PTPRG: variants seen among roughly 807,000 people sequenced by gnomAD.
PTPRG encodes receptor-type tyrosine-protein phosphatase gamma.
A neutral mutation model predicts 165.3 loss-of-function variants in PTPRG; 102 were observed. That is an observed-to-expected ratio of 0.62 (90% CI 0.53 to 0.73). The LOEUF (loss-of-function observed/expected upper bound fraction) is 0.73, where lower values mean the gene tolerates loss of function less well. Ranked by LOEUF, PTPRG falls within the 30% of genes least tolerant of loss-of-function variation. The pLI, the probability that PTPRG is intolerant of heterozygous loss-of-function variation, is 0.00. For synonymous variants in PTPRG, 675 were observed against 669.5 expected (o/e 1.01, Z -0.13); for missense variants, 1,866 against 1,861.4 (o/e 1.00, Z -0.05).
chr3:61,814,977 G>T (rs1041225357), intron 2 of PTPRG, among the ~76,000 whole-genome samples: 3 of 151,970 alleles, frequency 2.0e-5, no homozygotes, highest in Admixed American at 2.0e-4. Flanking sequence ...ACTCATATCT[G>T]CCTAGTGTCC....
In PTPRG at chr3:62,005,930, T is replaced by G. The variant is rs367714051; in HGVS notation, c.519+2433T>G. Among the ~76,000 whole-genome samples, 178 of 152,236 alleles carry G rather than the reference T, an allele frequency of 1.2e-3. 1 individual carries two copies. Among genetic ancestry groups the G allele is most frequent in the African/African-American group, 4.0e-3 (168 of 41,532 alleles). On this transcript the variant is annotated intron_variant, in intron 4 of 29. Coordinates refer to ENST00000474889, the MANE Select transcript of PTPRG (RefSeq NM_002841.4). ...GTTCGCCAGGCTGGTCTTGAATTCC[T>G]GACTTCAAATGATCCACCTTTCTCA...
intron 5 of PTPRG, among the ~76,000 whole-genome samples, chr3:62,089,604 C>G (rs1046118999): frequency 1.1e-4 from 16 of 152,154 alleles, no homozygotes; most frequent in Admixed American, 2.6e-4. Context: ...TATGATTGTA[C>G]AGGTGTCTTC....
chr3:62,112,323 C>T (rs964149242), intron 5 of PTPRG, among the ~76,000 whole-genome samples: 40 of 152,080 alleles, frequency 2.6e-4, no homozygotes, highest in African/African-American at 9.6e-4. Flanking sequence ...AGGCTGGTCT[C>T]AAACTCCTGA....
At chr3:61,701,293 C>T (rs1221558471) in intron 1 of PTPRG, among the ~76,000 whole-genome samples, 2 of 152,048 alleles carry the variant, frequency 1.3e-5, no homozygotes, top group African/African-American at 2.4e-5. Context: ...ACATTTGCAC[C>T]CACTGCTAAC....
chr3:61,620,019 A>G (rs372516957), intron 1 of PTPRG, among the ~76,000 whole-genome samples: 1 of 152,258 alleles, frequency 6.6e-6, no homozygotes, highest in South Asian at 2.1e-4. Context: ...GTGTAGAGCC[A>G]CTACTGCTTC....
chr3:62,218,117 C>T (rs535472687), intron 12 of PTPRG, among the ~76,000 whole-genome samples: 9 of 152,088 alleles, frequency 5.9e-5, no homozygotes, highest in Admixed American at 1.3e-4. Context: ...TAGGAGCCCA[C>T]GGACAGAAGC....
chr3:61,900,913 A>G (rs2038484003), intron 2 of PTPRG, among the ~76,000 whole-genome samples: 1 of 152,188 alleles, frequency 6.6e-6, no homozygotes, highest in South Asian at 2.1e-4. Context: ...CGAAGCCTCC[A>G]TTACCTCATC....
chr3:61,566,100 G>A (rs1419840002), intron 1 of PTPRG, among the ~76,000 whole-genome samples: 6 of 152,174 alleles, frequency 3.9e-5, no homozygotes, highest in Non-Finnish European at 5.9e-5. Context: ...CACTAATAAA[G>A]ATAGGCATAA....
intron 29 of PTPRG, 173 bp downstream of exon 29, chr3:62,292,729 A>C (rs1018578602): frequency 7.4e-6 from 5 of 674,754 alleles, no homozygotes; most frequent in Non-Finnish European, 9.8e-6. Flanking sequence ...TAGAGGATAC[A>C]AGCCAGAGAT....
chr3:61,677,083 A>G (rs1304227664), intron 1 of PTPRG, among the ~76,000 whole-genome samples: 1 of 151,986 alleles, frequency 6.6e-6, no homozygotes, highest in Non-Finnish European at 1.5e-5. Flanking sequence ...CATCTCTACT[A>G]AAAATATAAA....
intron 2 of PTPRG, among the ~76,000 whole-genome samples, chr3:61,833,784 C>T (rs950272010): frequency 2.6e-5 from 4 of 152,056 alleles, no homozygotes; most frequent in East Asian, 1.9e-4. Flanking sequence ...AGGCTGGTTT[C>T]GAACTCCTGA....
At chr3:61,588,882 C>A (rs901992931) in intron 1 of PTPRG, among the ~76,000 whole-genome samples, 1 of 152,176 alleles carries the variant, frequency 6.6e-6, no homozygotes, top group Non-Finnish European at 1.5e-5. Context: ...CTGGAGACTT[C>A]TGCAACAAAC....
At chr3:61,616,330 A>G (rs562130650) in intron 1 of PTPRG, among the ~76,000 whole-genome samples, 168 of 152,302 alleles carry the variant, frequency 1.1e-3, no homozygotes, top group Non-Finnish European at 1.6e-3. Flanking sequence ...GGACAAATCT[A>G]TGGGTTAAGT....
chr3:62,016,461 C>T (rs546478407), intron 4 of PTPRG, among the ~76,000 whole-genome samples: 16 of 152,238 alleles, frequency 1.1e-4, no homozygotes, highest in South Asian at 2.1e-4. Context: ...CCACCGCGCC[C>T]GGCCTGTATT....
intron 8 of PTPRG, among the ~76,000 whole-genome samples, chr3:62,173,297 A>G (rs1705289915): frequency 6.6e-6 from 1 of 151,830 alleles, no homozygotes; most frequent in Admixed American, 6.6e-5. Flanking sequence ...GGTTGAATCC[A>G]TGCATGCAGA....
intron 4 of PTPRG, among the ~76,000 whole-genome samples, chr3:62,064,520 A>G (rs1251661155): frequency 2.6e-5 from 4 of 151,960 alleles, no homozygotes; most frequent in African/African-American, 9.7e-5. Flanking sequence ...AGGTTCTACC[A>G]TTCTCCTATT....
intron 2 of PTPRG, among the ~76,000 whole-genome samples, chr3:61,890,994 T>A (rs2038198453): frequency 1.3e-5 from 2 of 152,100 alleles, no homozygotes. Flanking sequence ...GGATAGCAAC[T>A]TTTTTTTCCA....
chr3:62,225,106 A>T (rs1309409414), intron 13 of PTPRG, among the ~76,000 whole-genome samples: 2 of 152,224 alleles, frequency 1.3e-5, no homozygotes, highest in African/African-American at 4.8e-5. Flanking sequence ...GGAAAAAATC[A>T]ATTCAAAAGT....
At chr3:61,845,229 G>GA (rs1174048165) in intron 2 of PTPRG, among the ~76,000 whole-genome samples, 1 of 152,196 alleles carries the variant, frequency 6.6e-6, no homozygotes, top group East Asian at 1.9e-4. Context: ...GGTGCTTGGT[G>GA]AATGAACTGT....
Sources: allele counts gnomAD v4.1 joint callset (sites outside exome capture counted in the v4.1 genomes callset), GRCh38; gene constraint gnomAD v4.1.1; transcripts MANE v1.5; gene names NCBI Gene and HGNC (gene_info 2026-07-23, HGNC 2026-07-21).